EPHA7: variants seen among roughly 807,000 people sequenced by gnomAD.
The protein encoded by EPHA7 is ephrin type-A receptor 7.
EPHA7 carries 25 observed loss-of-function variants against 112.6 expected under a neutral mutation model. That is an observed-to-expected ratio of 0.22 (90% confidence interval 0.16 to 0.31). The LOEUF (loss-of-function observed/expected upper bound fraction) is 0.31. Ranked by LOEUF, EPHA7 falls within the 10% of genes least tolerant of loss-of-function variation. The probability of loss-of-function intolerance (pLI) is 1.00; values close to 1 mark genes in which losing one functional copy is unlikely to be tolerated. For synonymous variants in EPHA7, 437 were observed against 406.5 expected (o/e 1.07, Z -0.90); for missense variants, 962 against 1,212.6 (o/e 0.79, Z 3.07).
At chr6:93,286,902 T>C (rs1772092646) in intron 5 of EPHA7, among the ~76,000 whole-genome samples, 1 of 152,156 alleles carries the variant, frequency 6.6e-6, no homozygotes, top group African/African-American at 2.4e-5. Flanking sequence ...ACAGAAGTCA[T>C]TTACTAGATG....
intron 3 of EPHA7, among the ~76,000 whole-genome samples, chr6:93,402,312 C>T (rs1380313288): frequency 2.0e-5 from 3 of 151,884 alleles, no homozygotes; most frequent in Admixed American, 6.6e-5. Flanking sequence ...CAAATAAAAC[C>T]TACAATGTTC....
chr6:93,362,742 G>A (rs554158240), intron 3 of EPHA7, among the ~76,000 whole-genome samples: 2 of 152,156 alleles, frequency 1.3e-5, no homozygotes, highest in East Asian at 3.9e-4. Flanking sequence ...CCACCCAAAA[G>A]CCATACATTC....
intron 3 of EPHA7, among the ~76,000 whole-genome samples, chr6:93,388,633 G>A (rs946141035): frequency 3.3e-5 from 5 of 152,114 alleles, no homozygotes; most frequent in African/African-American, 1.2e-4. Flanking sequence ...CAGCACGACT[G>A]TGGGCTTGTT....
At chr6:93,366,799 G>C (rs1416924303) in intron 3 of EPHA7, among the ~76,000 whole-genome samples, 3 of 152,034 alleles carry the variant, frequency 2.0e-5, no homozygotes, top group African/African-American at 7.2e-5. Context: ...TCCAGAAATA[G>C]AATTTTTAAG....
chr6:93,397,374 C>T (rs1778230905), intron 3 of EPHA7, among the ~76,000 whole-genome samples: 1 of 151,730 alleles, frequency 6.6e-6, no homozygotes, highest in East Asian at 1.9e-4. Context: ...AATTCTTCTT[C>T]CAATATGGGA....
rs144070283 is a variant in EPHA7, at chr6:93,243,120, C to T, written c.*306G>A. On this transcript the variant is annotated 3_prime_UTR_variant, in exon 17 of 17. Transcript: ENST00000369303. ...TATTCTTTCTTAAATTCTTTATGTA[C>T]ATTTTAAAAAGTCTATAAGACAAAA... 60 of 260,454 alleles carry T rather than the reference C, an allele frequency of 2.3e-4. No homozygotes were observed. In the Middle Eastern group the frequency reaches 3.3e-3, roughly 14 times the overall value. The allele number at this position is 260,454 out of a possible 1,614,324, so 16.1% of individuals were successfully genotyped here. A position where few individuals can be genotyped will look rare whatever the true frequency, so the allele number is the denominator to read the frequency against.
At chr6:93,351,206 G>A (rs761415103) in intron 5 of EPHA7, among the ~76,000 whole-genome samples, 17 of 151,986 alleles carry the variant, frequency 1.1e-4, no homozygotes, top group South Asian at 2.1e-4. Flanking sequence ...CAACATAGAC[G>A]TATAAAACTG....
intron 3 of EPHA7, among the ~76,000 whole-genome samples, chr6:93,375,961 C>T (rs1290591856): frequency 1.3e-5 from 2 of 152,048 alleles, no homozygotes; most frequent in Non-Finnish European, 2.9e-5. Flanking sequence ...AGTGGGTCCA[C>T]AGAACATTCA....
intron 5 of EPHA7, among the ~76,000 whole-genome samples, chr6:93,275,549 C>A (rs1287186657): frequency 6.6e-6 from 1 of 151,900 alleles, no homozygotes; most frequent in Non-Finnish European, 1.5e-5. Flanking sequence ...ATAAAACAGA[C>A]TAAGCCATGA....
rs747995407 is a variant in EPHA7, at chr6:93,322,193, CTGTA to C, written c.1324+34520_1324+34523del. 1.8e-4 allele frequency among the ~76,000 whole-genome samples: 28 copies of C among 151,652 alleles called. No individual in the cohort carries two copies. In the East Asian group the frequency reaches 3.3e-3, roughly 18 times the overall value. On this transcript the variant is annotated intron_variant, in intron 5 of 16. Transcript: ENST00000369303. ...TATATACAGATGCATAAAATTTACA[CTGTA>C]TGTAATTTTAAAATTATATATCTGT...
Position 93,270,073 on chromosome 6 carries a change from A to G in EPHA7, c.1450-413T>C, listed in dbSNP as rs116042924. Among the ~76,000 whole-genome samples the G allele has an allele frequency of 6.3e-3, 955 of 151,830 alleles. 11 individuals are homozygous for G. The highest frequency in any genetic ancestry group is 0.021 in the African/African-American group (881 of 41,516). ...GTTATTCAGCAAGAAAAAAAGCCAGATGCTAAAAATCCAGAAAGTTATTAA... is the reference window on the plus strand; with the variant it reads ...GTTATTCAGCAAGAAAAAAAGCCAGGTGCTAAAAATCCAGAAAGTTATTAA... On this transcript the variant is annotated intron_variant, in intron 6 of 16. Transcript: ENST00000369303.
chr6:93,249,367 A>G (rs1038191232), intron 14 of EPHA7, among the ~76,000 whole-genome samples: 3 of 152,138 alleles, frequency 2.0e-5, no homozygotes, highest in Admixed American at 6.6e-5. Flanking sequence ...GGATTCAAAA[A>G]TGTTATGTTA....
intron 16 of EPHA7, among the ~76,000 whole-genome samples, chr6:93,244,673 T>C (rs1769865734): frequency 6.6e-6 from 1 of 152,094 alleles, no homozygotes; most frequent in Admixed American, 6.6e-5. Flanking sequence ...AGGTCATTTT[T>C]TTCAGGTTAA....
intron 5 of EPHA7, among the ~76,000 whole-genome samples, chr6:93,352,656 G>A (rs1342652701): frequency 6.6e-6 from 1 of 152,044 alleles, no homozygotes; most frequent in Non-Finnish European, 1.5e-5. Context: ...CATAGTGCTT[G>A]ACATGCACTA....
chr6:93,255,866 C>T lies in EPHA7; in HGVS notation c.2344G>A (p.Val782Ile). ...ACAGCTTCTGGATCATCCTCTATAA[C>T]TCGGGACAGGCCAAAATCTGACACT... ...CKVSDFGLSR[V>I]IEDDPEAVYT... Residue 782 changes from valine (V) to isoleucine (I), a missense_variant, in exon 13 of 17, where the codon GTT (valine) becomes ATT (isoleucine). This residue lies in a region of EPHA7 where 746 missense variants were observed against 889.2 expected (regional missense o/e 0.84). Coordinates refer to ENST00000369303, the MANE Select transcript of EPHA7 (RefSeq NM_004440.4). 1.2e-6 allele frequency: 2 copies of T among 1,614,054 alleles called. No homozygotes were observed. The highest frequency in any genetic ancestry group is 1.7e-4 in the Middle Eastern group (1 of 6,058).
chr6:93,271,259 T>A (rs1771203767), intron 6 of EPHA7, among the ~76,000 whole-genome samples: 2 of 151,596 alleles, frequency 1.3e-5, no homozygotes, highest in African/African-American at 4.8e-5. Context: ...TAAAACAAAA[T>A]CATATTTTAA....
intron 13 of EPHA7, 82 bp from the exon 14 acceptor site, chr6:93,254,878 C>A (rs1770367985): frequency 9.9e-6 from 12 of 1,211,398 alleles, no homozygotes; most frequent in Non-Finnish European, 1.3e-5. Context: ...TACATATGTG[C>A]ATTTTTGGTT....
chr6:93,379,779 T>G, intron 3 of EPHA7, among the ~76,000 whole-genome samples: 1 of 152,152 alleles, frequency 6.6e-6, no homozygotes, highest in Middle Eastern at 3.4e-3. Context: ...AAATTCATTC[T>G]AAATATAATA....
intron 5 of EPHA7, among the ~76,000 whole-genome samples, chr6:93,274,371 A>C (rs1771370135): frequency 6.6e-6 from 1 of 151,898 alleles, no homozygotes; most frequent in African/African-American, 2.4e-5. Context: ...ACAAGATCTA[A>C]ATATAAAATG....
Sources: gnomAD v4.1 joint callset for allele counts (sites outside exome capture counted in the v4.1 genomes callset) on GRCh38, gnomAD v4.1.1 for gene constraint, gnomAD v4.1.1 regional missense constraint, MANE v1.5 for transcripts, NCBI Gene and HGNC (gene_info 2026-07-23, HGNC 2026-07-21) for gene names.